SPG11: variants seen among roughly 807,000 people sequenced by gnomAD.
The protein encoded by SPG11 is spatacsin.
A neutral mutation model predicts 274.0 loss-of-function variants in SPG11; 222 were observed. The observed-to-expected ratio is 0.81, with a 90% CI of 0.73 to 0.91. SPG11 has a LOEUF of 0.91. Ranked by LOEUF, SPG11 falls within the 40% of genes least tolerant of loss-of-function variation. SPG11 has a pLI of 0.00. For synonymous variants in SPG11, 1,144 were observed against 1,039.7 expected (o/e 1.10, Z -1.93); for missense variants, 3,114 against 2,872.7 (o/e 1.08, Z -1.92).
At chr15:44,569,575 C>A in intron 34 of SPG11, 70 bp from the exon 35 acceptor site, 1 of 1,198,786 alleles carries the variant, frequency 8.3e-7, no homozygotes. Flanking sequence ...AGACAACTAC[C>A]ATCAGTGGTT....
chr15:44,572,623 G>A, intron 33 of SPG11, 60 bp downstream of exon 33: 2 of 1,585,960 alleles, frequency 1.3e-6, no homozygotes, highest in South Asian at 2.2e-5. Context: ...TGGAGAGACT[G>A]GGAGACCTTT....
intron 7 of SPG11, among the ~76,000 whole-genome samples, chr15:44,636,298 T>C (rs1487273432): frequency 6.6e-6 from 1 of 152,028 alleles, no homozygotes; most frequent in Non-Finnish European, 1.5e-5. Flanking sequence ...AAACAAACTA[T>C]GCCTTCGTTC....
At chr15:44,630,014 T>C (rs2084013108) in intron 8 of SPG11, among the ~76,000 whole-genome samples, 2 of 151,444 alleles carry the variant, frequency 1.3e-5, no homozygotes, top group South Asian at 4.2e-4. Context: ...GAGGTTGCAG[T>C]GAGCCAAGAT....
chr15:44,563,538 A>G (rs557188718), intron 39 of SPG11, among the ~76,000 whole-genome samples: 2 of 152,178 alleles, frequency 1.3e-5, no homozygotes, highest in Non-Finnish European at 2.9e-5. Context: ...GCGTTCTGCT[A>G]TGTTGGCTAG....
intron 28 of SPG11, among the ~76,000 whole-genome samples, chr15:44,587,718 A>AAAAAAAAAAAACAAAAAAC (rs1567141736): frequency 1.3e-5 from 2 of 148,638 alleles, no homozygotes; most frequent in African/African-American, 5.1e-5. Context: ...AAAAAAAAAA[A>AAAAAAAAAAAACAAAAAAC]AACGTATTCC....
In SPG11 at chr15:44,565,917, C is replaced by A; in HGVS notation, c.6936G>T (p.Met2312Ile). 1.2e-6 allele frequency: 2 copies of A among 1,613,774 alleles called. No homozygotes were observed. Among genetic ancestry groups the A allele is most frequent in the South Asian group, 1.1e-5 (1 of 90,998 alleles). ...GCTTGTGGCGGCCCAAGTTGATGAG[C>A]ATTGTGTTCTGGCCAGTGTTCAGAA... ...IHFLNTGQNT[M>I]LINLGRHKLM... is the part of the protein sequence containing the mutation. The change falls in exon 38 of 40, where the codon ATG becomes ATT. Residue 2312 changes from methionine to isoleucine, a missense_variant. Transcript: ENST00000261866.
intron 18 of SPG11, among the ~76,000 whole-genome samples, chr15:44,608,955 T>C (rs2083390142): frequency 1.3e-5 from 2 of 149,800 alleles, no homozygotes; most frequent in African/African-American, 5.1e-5. Context: ...TACAAACTGA[T>C]AAACTAGATG....
At position 44,573,702 on chromosome 15, in the gene SPG11, T is replaced by G; in HGVS notation, c.6050A>C (p.Glu2017Ala). ...GGCCAAGATTTTCCGGAGCATGGCT[T>G]CACCATCCTGAGCAGCAACATCTGT... The part of the protein sequence containing the change: ...SYTDVAAQDG[E>A]AMLRKILASQ... The change falls in exon 32 of 40, where the codon GAA becomes GCA. Residue 2017 changes from glutamate to alanine, a missense_variant. Transcript: ENST00000261866. The G allele has an allele frequency of 6.2e-7, 1 of 1,614,164 alleles. No individual in the cohort carries two copies. The highest frequency in any genetic ancestry group is 8.5e-7 in the Non-Finnish European group (1 of 1,180,030).
chr15:44,591,141 T>C (rs1193537342), intron 27 of SPG11, among the ~76,000 whole-genome samples: 1 of 152,248 alleles, frequency 6.6e-6, no homozygotes, highest in African/African-American at 2.4e-5. Context: ...TTACCTACTC[T>C]AAGTAAAAAG....
chr15:44,657,256 C>T lies in SPG11; in HGVS notation c.708G>A (p.Val236=), dbSNP rs1430128682. 1 of 1,614,162 alleles carries T rather than the reference C, an allele frequency of 6.2e-7. No homozygotes were observed. Among genetic ancestry groups the T allele is most frequent in the Admixed American group, 1.7e-5 (1 of 60,024 alleles). The part of the protein sequence containing the change: ...DVVDGTYVAH[V]DLALHKEDMC... ...TGTCTTCTTTGTGAAGTGCTAAATCCACATGAGCTACATATGTACCATCCA... is the reference window on the plus strand; with the variant it reads ...TGTCTTCTTTGTGAAGTGCTAAATCTACATGAGCTACATATGTACCATCCA... The change falls in exon 4 of 40, where the codon GTG becomes GTA. Residue 236 remains valine (V), a synonymous_variant. Transcript: ENST00000261866.
intron 17 of SPG11, 141 bp downstream of exon 17, chr15:44,613,289 T>A: frequency 1.5e-6 from 1 of 672,174 alleles, no homozygotes; most frequent in South Asian, 1.7e-5. Context: ...GCTTCTTACC[T>A]CAAGTGTGAG....
chr15:44,621,866 C>T lies in SPG11; in HGVS notation c.2513G>A (p.Cys838Tyr). ...GTCCTGTTTGTTAAATTCATCTTTACAATCATATTTCAGGAATGAGTCCAA... is the reference window on the plus strand; with the variant it reads ...GTCCTGTTTGTTAAATTCATCTTTATAATCATATTTCAGGAATGAGTCCAA... ...SVLDSFLKYDCKDEFNKQDHR... is the reference protein window; with the variant it reads ...SVLDSFLKYDYKDEFNKQDHR... Residue 838 changes from cysteine to tyrosine, a missense_variant, in exon 14 of 40, where the codon TGT (cysteine) becomes TAT (tyrosine). Coordinates refer to ENST00000261866, the MANE Select transcript of SPG11 (RefSeq NM_025137.4). 6.2e-7 allele frequency: 1 copy of T among 1,613,622 alleles called. No homozygotes were observed. The highest frequency in any genetic ancestry group is 8.5e-7 in the Non-Finnish European group (1 of 1,179,726).
intron 26 of SPG11, among the ~76,000 whole-genome samples, chr15:44,593,958 C>T (rs1249611198): frequency 4.1e-5 from 6 of 146,538 alleles, no homozygotes; most frequent in East Asian, 4.1e-4. Flanking sequence ...TTAGTAGAGA[C>T]GGGGTTTTGC....
At chr15:44,620,704 T>A in intron 14 of SPG11, 3 of 216,530 alleles carry the variant, frequency 1.4e-5, no homozygotes, top group Non-Finnish European at 1.8e-5. Context: ...CCAGGTAAAT[T>A]TTTTTTTTTT....
intron 28 of SPG11, 91 bp from the exon 29 acceptor site, chr15:44,585,941 G>C: frequency 9.8e-7 from 1 of 1,020,128 alleles, no homozygotes; most frequent in South Asian, 1.3e-5. Flanking sequence ...GAAAATATAC[G>C]TGTTTAACAT....
At chr15:44,632,231 C>T (rs555428524) in intron 8 of SPG11, among the ~76,000 whole-genome samples, 1 of 152,174 alleles carries the variant, frequency 6.6e-6, no homozygotes, top group East Asian at 1.9e-4. Flanking sequence ...GTCAGAAGAC[C>T]ACCTTATTTT....
intron 4 of SPG11, among the ~76,000 whole-genome samples, chr15:44,655,865 A>T (rs1738137733): frequency 6.6e-6 from 1 of 152,216 alleles, no homozygotes; most frequent in African/African-American, 2.4e-5. Flanking sequence ...AGGGAGTAAT[A>T]ACTAATAATA....
Position 44,663,517 on chromosome 15 carries a change from CG to C in SPG11, c.130del (p.Arg44GlyfsTer14). ...PAEAMGQLGSRAQLRTQPEAL... is the reference protein window; with the variant it reads ...PAEAMGQLGSXAQLRTQPEAL... ...CTCCGGCTGTGTGCGCAGCTGCGCC[CG>C]GGAGCCGAGCTGCCCCATCGCCTCG... On this transcript the variant is annotated frameshift_variant, in exon 1 of 40. Coordinates refer to ENST00000261866, the MANE Select transcript of SPG11 (RefSeq NM_025137.4). LOFTEE classifies it high-confidence loss of function. 1 of 1,596,108 alleles carries C rather than the reference CG, an allele frequency of 6.3e-7. No individual in the cohort carries two copies. The highest frequency in any genetic ancestry group is 8.5e-7 in the Non-Finnish European group (1 of 1,172,338).
chr15:44,569,164 CAAA>C (rs1188132986), intron 35 of SPG11, among the ~76,000 whole-genome samples: 3 of 71,074 alleles, frequency 4.2e-5, no homozygotes, highest in Admixed American at 1.7e-4. Flanking sequence ...AACTCCGTCT[CAAA>C]AAAAAAAAAA....
Sources: allele counts gnomAD v4.1 joint callset (sites outside exome capture counted in the v4.1 genomes callset), GRCh38; gene constraint gnomAD v4.1.1; transcripts MANE v1.5; gene names NCBI Gene and HGNC (gene_info 2026-07-23, HGNC 2026-07-21).